Variants in TENM2 observed in about 807,000 individuals in gnomAD.
TENM2 encodes teneurin transmembrane protein 2.
In TENM2, 52 loss-of-function variants were observed where a neutral mutation model predicts 245.2. That is an observed-to-expected ratio of 0.21 (90% confidence interval 0.17 to 0.27). The LOEUF (loss-of-function observed/expected upper bound fraction) is 0.27, where lower values mean the gene tolerates loss of function less well. Among genes scored for constraint, TENM2 ranks in the 10% least tolerant of loss-of-function variants. TENM2 has a pLI of 1.00. For synonymous variants in TENM2, 1,363 were observed against 1,438.9 expected (o/e 0.95, Z 1.19); for missense variants, 3,046 against 3,666.8 (o/e 0.83, Z 4.37).
intron 2 of TENM2, among the ~76,000 whole-genome samples, chr5:167,834,886 G>A (rs1192646396): frequency 2.0e-5 from 3 of 152,018 alleles, no homozygotes; most frequent in African/African-American, 4.8e-5. Flanking sequence ...TCCTGACCTC[G>A]TGATCCGCCC....
chr5:168,238,017 C>T (rs562833855), intron 25 of TENM2, among the ~76,000 whole-genome samples: 4 of 150,934 alleles, frequency 2.7e-5, no homozygotes, highest in South Asian at 2.1e-4. Context: ...TGGTGGCGGG[C>T]GCCTGTAGTC....
chr5:168,144,274 C>T (rs950787638), intron 12 of TENM2, among the ~76,000 whole-genome samples: 1 of 151,998 alleles, frequency 6.6e-6, no homozygotes, highest in African/African-American at 2.4e-5. Context: ...TGGTGCGCTG[C>T]ACCCACTAAC....
rs1380778783 is a variant in TENM2, at chr5:167,445,334, T to TAG, written c.502+69862_502+69863insGA. ...GATTATATATATATATATATATATA[T>TAG]ATAGAGAGAGAGAGAGAGAGAGAGA... On this transcript the variant is annotated intron_variant, in intron 2 of 28. Transcript: ENST00000518659. Among the ~76,000 whole-genome samples, 85 of 86,292 alleles carry TAG rather than the reference T, an allele frequency of 9.9e-4. 1 individual carries two copies. The highest frequency in any genetic ancestry group is 6.4e-3 in the East Asian group (20 of 3,112). The allele number at this position is 86,292 out of a possible 152,430, so 56.6% of individuals were successfully genotyped here.
chr5:167,187,436 A>T, the TENM2 span, among the ~76,000 whole-genome samples: 1 of 152,226 alleles, frequency 6.6e-6, no homozygotes, highest in Non-Finnish European at 1.5e-5. Context: ...TTGCAGTTAT[A>T]TGAGACATTT....
chr5:167,085,947 G>A, the TENM2 span, among the ~76,000 whole-genome samples: 1 of 152,284 alleles, frequency 6.6e-6, no homozygotes, highest in Admixed American at 6.5e-5. Flanking sequence ...AGAATTTCAG[G>A]AATATGCTAC....
At chr5:167,393,881 G>A (rs1251023019) in intron 2 of TENM2, among the ~76,000 whole-genome samples, 1 of 152,162 alleles carries the variant, frequency 6.6e-6, no homozygotes, top group East Asian at 1.9e-4. Flanking sequence ...GAAGGTAAAG[G>A]TAGGAGTATT....
intron 2 of TENM2, among the ~76,000 whole-genome samples, chr5:167,841,855 T>G (rs1204768005): frequency 2.0e-5 from 3 of 152,200 alleles, no homozygotes; most frequent in Non-Finnish European, 4.4e-5. Context: ...TGTTTTTGCC[T>G]TTGTCTTTTT....
At chr5:167,432,668 A>C (rs991158318) in intron 2 of TENM2, among the ~76,000 whole-genome samples, 1 of 152,142 alleles carries the variant, frequency 6.6e-6, no homozygotes, top group Non-Finnish European at 1.5e-5. Flanking sequence ...AATTCATTGA[A>C]TAATTATTGG....
At chr5:168,203,297 A>G (rs1762080291) in intron 17 of TENM2, among the ~76,000 whole-genome samples, 1 of 152,238 alleles carries the variant, frequency 6.6e-6, no homozygotes, top group Non-Finnish European at 1.5e-5. Flanking sequence ...ATAACACAAA[A>G]TATAATAAAT....
chr5:167,002,924 T>A, the TENM2 span, among the ~76,000 whole-genome samples: 4 of 152,096 alleles, frequency 2.6e-5, no homozygotes, highest in Non-Finnish European at 5.9e-5. Flanking sequence ...CTCCTTTACA[T>A]GAGAAATAAT....
intron 4 of TENM2, among the ~76,000 whole-genome samples, chr5:167,968,922 T>C (rs1220200440): frequency 6.6e-6 from 1 of 152,188 alleles, no homozygotes; most frequent in Non-Finnish European, 1.5e-5. Context: ...ATTTTCTGGA[T>C]GTTCTTGTAC....
chr5:167,958,384 G>A (rs953871676), intron 4 of TENM2, among the ~76,000 whole-genome samples: 1 of 152,138 alleles, frequency 6.6e-6, no homozygotes, highest in African/African-American at 2.4e-5. Flanking sequence ...TTGCATGTGA[G>A]ATAGGTCTCC....
chr5:167,828,316 C>G (rs764674074), intron 2 of TENM2, among the ~76,000 whole-genome samples: 12 of 152,170 alleles, frequency 7.9e-5, no homozygotes, highest in South Asian at 2.1e-4. Flanking sequence ...TGTCCCTGAC[C>G]CCTTTATCTA....
the TENM2 span, among the ~76,000 whole-genome samples, chr5:167,115,900 G>A: frequency 2.0e-5 from 3 of 152,172 alleles, no homozygotes; most frequent in Non-Finnish European, 4.4e-5. Flanking sequence ...AGCCTAGGTT[G>A]CCGGGAAATA....
intron 1 of TENM2, among the ~76,000 whole-genome samples, chr5:167,344,692 C>T (rs1039417758): frequency 6.6e-6 from 1 of 152,176 alleles, no homozygotes; most frequent in African/African-American, 2.4e-5. Context: ...TTTCTCATTC[C>T]TATGGCTTCT....
chr5:167,465,245 C>CT (rs1047591125), intron 2 of TENM2, among the ~76,000 whole-genome samples: 54 of 152,176 alleles, frequency 3.5e-4, no homozygotes, highest in African/African-American at 1.2e-3. Flanking sequence ...TCTAATATGG[C>CT]TTTTTTCCCA....
the TENM2 span, among the ~76,000 whole-genome samples, chr5:167,053,355 G>A: frequency 5.7e-4 from 87 of 152,188 alleles, no homozygotes; most frequent in African/African-American, 2.0e-3. Flanking sequence ...TCTCAGACTC[G>A]GAAGCACTTG....
intron 1 of TENM2, among the ~76,000 whole-genome samples, chr5:167,362,957 A>C (rs764640924): frequency 6.6e-6 from 1 of 152,120 alleles, no homozygotes; most frequent in Non-Finnish European, 1.5e-5. Flanking sequence ...CTACACACGT[A>C]TTTATTGCAT....
At chr5:167,101,849 T>TTATATATATATATATTTATA in the TENM2 span, among the ~76,000 whole-genome samples, 1 of 69,438 alleles carries the variant, frequency 1.4e-5, no homozygotes, top group South Asian at 6.8e-4. Flanking sequence ...ATATATATAT[T>TTATATATATATATATTTATA]TATATATATA....
Sources: gnomAD v4.1 joint callset for allele counts (sites outside exome capture counted in the v4.1 genomes callset) on GRCh38, gnomAD v4.1.1 for gene constraint, MANE v1.5 for transcripts, NCBI Gene and HGNC (gene_info 2026-07-23, HGNC 2026-07-21) for gene names.